The following DPP6 variants were observed in gnomAD, a reference collection of about 807,000 sequenced individuals.
The protein encoded by DPP6 is A-type potassium channel modulatory protein DPP6.
A neutral mutation model predicts 122.6 loss-of-function variants in DPP6; 69 were observed. The ratio of observed to expected loss-of-function variants is 0.56; its 90% CI spans 0.46 to 0.69. The LOEUF (loss-of-function observed/expected upper bound fraction) is 0.69, where lower values mean the gene tolerates loss of function less well. DPP6 is among the 30% of genes least tolerant of loss of function. The pLI is 0.00. For synonymous variants in DPP6, 418 were observed against 433.1 expected, an observed-to-expected ratio of 0.97 and a Z score of 0.43; for missense variants, 928 against 1,116.9, an observed-to-expected ratio of 0.83 and a Z score of 2.41.
At chr7:154,642,808 A>G (rs1836192447) in intron 6 of DPP6, among the ~76,000 whole-genome samples, 1 of 151,832 alleles carries the variant, frequency 6.6e-6, no homozygotes, top group Non-Finnish European at 1.5e-5. Flanking sequence ...AGGCTGAGGC[A>G]CAAGAATCAC....
At chr7:154,286,291 C>T (rs952129626) in intron 1 of DPP6, among the ~76,000 whole-genome samples, 2 of 152,214 alleles carry the variant, frequency 1.3e-5, no homozygotes, top group South Asian at 4.1e-4. Flanking sequence ...TCCTATATCT[C>T]GGTGTAGCCA....
At chr7:154,528,484 C>T (rs1402494947) in intron 3 of DPP6, among the ~76,000 whole-genome samples, 2 of 152,260 alleles carry the variant, frequency 1.3e-5, no homozygotes, top group East Asian at 1.9e-4. Flanking sequence ...TAGTGGTTCT[C>T]GTCATTGTTT....
intron 17 of DPP6, among the ~76,000 whole-genome samples, chr7:154,859,397 C>G (rs993844868): frequency 6.6e-6 from 1 of 152,194 alleles, no homozygotes; most frequent in Non-Finnish European, 1.5e-5. Context: ...GTGTGGCCCA[C>G]GTTCTGTTAC....
chr7:154,608,280 G>C lies in DPP6; in HGVS notation c.628-29541G>C, dbSNP rs186300743. 5.8e-4 allele frequency among the ~76,000 whole-genome samples: 80 copies of C among 138,904 alleles called. 1 individual carries two copies. Among genetic ancestry groups the C allele is most frequent in the Non-Finnish European group, 2.2e-4 (14 of 64,232 alleles). The allele number at this position is 138,904 out of a possible 152,430, so 91.1% of individuals were successfully genotyped here. A position where few individuals can be genotyped will look rare whatever the true frequency, so the allele number is the denominator to read the frequency against. The stretch of plus-strand genomic sequence containing the variant: ...GGCGTGAGCCACTGTGCCCCACCTA[G>C]TTTTTTCTAAATACCATGCTTGCAT... On this transcript the variant is annotated intron_variant, in intron 5 of 25. Coordinates refer to ENST00000377770, the MANE Select transcript of DPP6 (RefSeq NM_130797.4).
chr7:153,864,316 A>G, the DPP6 span, among the ~76,000 whole-genome samples: 2 of 152,158 alleles, frequency 1.3e-5, no homozygotes, highest in Non-Finnish European at 2.9e-5. Context: ...CTTTGAGTTG[A>G]TACTCCCTTG....
At chr7:154,725,530 C>G (rs2131358256) in intron 7 of DPP6, among the ~76,000 whole-genome samples, 1 of 152,236 alleles carries the variant, frequency 6.6e-6, no homozygotes, top group Non-Finnish European at 1.5e-5. Flanking sequence ...AATTCACTCA[C>G]TATCAAGAAG....
the DPP6 span, among the ~76,000 whole-genome samples, chr7:153,802,100 A>C: frequency 6.6e-6 from 1 of 152,226 alleles, no homozygotes; most frequent in Non-Finnish European, 1.5e-5. Context: ...GCTGGAACTC[A>C]GAAAGTTTCG....
At chr7:154,426,808 TAAA>T (rs34741334) in intron 1 of DPP6, among the ~76,000 whole-genome samples, 4,540 of 109,566 alleles carry the variant, frequency 0.041, 207 homozygotes, top group African/African-American at 0.11. Flanking sequence ...TACTCTGCCT[TAAA>T]AAAAAAAAAA....
At chr7:153,988,177 G>A (rs1455783635) in intron 1 of DPP6, among the ~76,000 whole-genome samples, 1 of 152,168 alleles carries the variant, frequency 6.6e-6, no homozygotes, top group East Asian at 1.9e-4. Flanking sequence ...AGGAGGGAGG[G>A]AGGGCGTCGA....
the DPP6 span, among the ~76,000 whole-genome samples, chr7:153,856,544 G>C: frequency 6.6e-6 from 1 of 152,188 alleles, no homozygotes; most frequent in African/African-American, 2.4e-5. Context: ...CTATGATCAA[G>C]AGAATAGCTT....
At chr7:154,525,957 A>T (rs1459684556) in intron 3 of DPP6, among the ~76,000 whole-genome samples, 1 of 152,142 alleles carries the variant, frequency 6.6e-6, no homozygotes, top group Non-Finnish European at 1.5e-5. Flanking sequence ...CATAATCCCA[A>T]AGAAAAGGAT....
chr7:154,021,349 A>G lies in DPP6; in HGVS notation c.51+133615A>G, dbSNP rs1162889292. Among the ~76,000 whole-genome samples the G allele has an allele frequency of 2.0e-5, 3 of 152,124 alleles. No homozygotes were observed. The East Asian group carries it at 5.8e-4, about 29-fold the overall frequency. On this transcript the variant is annotated intron_variant, in intron 1 of 25. Coordinates refer to the DPP6 transcript ENST00000404039. ...TTAGAGTTTGCCAAGTCCTGCAGCC[A>G]TATGTAAGTTTCCCTGATGCCGGTA...
At chr7:154,368,236 A>G (rs1812349196) in intron 1 of DPP6, among the ~76,000 whole-genome samples, 1 of 152,342 alleles carries the variant, frequency 6.6e-6, no homozygotes, top group Middle Eastern at 3.4e-3. Flanking sequence ...TATGCCAAGC[A>G]CAGGAATCTG....
intron 1 of DPP6, among the ~76,000 whole-genome samples, chr7:154,201,651 C>A (rs1024754223): frequency 2.6e-5 from 4 of 152,140 alleles, no homozygotes; most frequent in Admixed American, 6.5e-5. Flanking sequence ...CATTTCTGTA[C>A]CCTCTAGTGT....
At position 154,203,739 on chromosome 7, in the gene DPP6, A is replaced by T. The variant is rs546431764; in HGVS notation, c.243+150676A>T. ...AGAGGCCTCTCTCTTCTGATCTGTGAGGCCGTAGTGCAGTGGAAGCGCCTG... is the reference window on the plus strand; with the variant it reads ...AGAGGCCTCTCTCTTCTGATCTGTGTGGCCGTAGTGCAGTGGAAGCGCCTG... On this transcript the variant is annotated intron_variant, in intron 1 of 25. Transcript: ENST00000377770. 4.6e-5 allele frequency among the ~76,000 whole-genome samples: 7 copies of T among 152,330 alleles called. No homozygotes were observed. In the South Asian group the frequency reaches 1.4e-3, roughly 32 times the overall value.
chr7:154,834,927 T>C (rs2150531784), intron 16 of DPP6, among the ~76,000 whole-genome samples: 1 of 152,296 alleles, frequency 6.6e-6, no homozygotes, highest in South Asian at 2.1e-4. Flanking sequence ...TTCTGTGCCG[T>C]ATTTCGCTGG....
intron 6 of DPP6, among the ~76,000 whole-genome samples, chr7:154,645,807 T>C (rs1303673014): frequency 1.3e-5 from 2 of 151,836 alleles, no homozygotes; most frequent in Admixed American, 1.3e-4. Context: ...GGCGGGTGGA[T>C]CACAAAGTCA....
chr7:153,763,727 A>G, the DPP6 span, among the ~76,000 whole-genome samples: 1 of 152,242 alleles, frequency 6.6e-6, no homozygotes, highest in Non-Finnish European at 1.5e-5. Flanking sequence ...TTTACGTAAC[A>G]TTGAGCAGAG....
intron 5 of DPP6, among the ~76,000 whole-genome samples, chr7:154,619,390 C>T (rs1345204368): frequency 6.6e-6 from 1 of 152,160 alleles, no homozygotes; most frequent in Non-Finnish European, 1.5e-5. Context: ...GGATGAGCTA[C>T]TTATATCTTT....
Sources: allele counts gnomAD v4.1 joint callset (sites outside exome capture counted in the v4.1 genomes callset), GRCh38; gene constraint gnomAD v4.1.1; transcripts MANE v1.5; gene names NCBI Gene and HGNC (gene_info 2026-07-23, HGNC 2026-07-21).